Variants in PUM3 observed in about 807,000 individuals in gnomAD.
The protein encoded by PUM3 is pumilio homolog 3.
PUM3 carries 91 observed loss-of-function variants against 84.0 expected under a neutral mutation model. That is an observed-to-expected ratio of 1.08 (90% CI 0.91 to 1.29). The LOEUF is 1.29. Ranked by LOEUF, PUM3 falls within the 50% of genes most tolerant of loss-of-function variation. The pLI, the probability that PUM3 is intolerant of heterozygous loss-of-function variation, is 0.00. For synonymous variants in PUM3, 321 were observed against 266.7 expected, an observed-to-expected ratio of 1.20 and a Z score of -1.98; for missense variants, 1,067 against 767.5, an observed-to-expected ratio of 1.39 and a Z score of -4.61.
chr9:2,809,092 G>A (rs181571188), intron 16 of PUM3, among the ~76,000 whole-genome samples: 93 of 152,192 alleles, frequency 6.1e-4, no homozygotes, highest in Middle Eastern at 3.4e-3. Flanking sequence ...ACCACAAACC[G>A]AGCAGCCCTA....
chr9:2,842,216 C>A (rs1292150838), intron 1 of PUM3, among the ~76,000 whole-genome samples: 1 of 152,050 alleles, frequency 6.6e-6, no homozygotes, highest in African/African-American at 2.4e-5. Context: ...CCCCCTTTTT[C>A]CTTTCCCTCT....
At chr9:2,826,761 C>T (rs949867667) in intron 10 of PUM3, among the ~76,000 whole-genome samples, 1 of 151,934 alleles carries the variant, frequency 6.6e-6, no homozygotes, top group African/African-American at 2.4e-5. Flanking sequence ...TAAAACTATC[C>T]GAATGCTTGA....
intron 9 of PUM3, 111 bp from the exon 10 acceptor site, chr9:2,827,262 C>T (rs1815848093): frequency 5.9e-6 from 4 of 678,910 alleles, no homozygotes; most frequent in Middle Eastern, 3.8e-4. Context: ...AATGGTTTTA[C>T]TGAATACAAT....
intron 5 of PUM3, among the ~76,000 whole-genome samples, chr9:2,832,204 G>C (rs535075195): frequency 6.6e-6 from 1 of 152,142 alleles, no homozygotes; most frequent in Admixed American, 6.5e-5. Context: ...GGCTGTTTTT[G>C]TGCATATATT....
chr9:2,822,911 A>G (rs1815704485), intron 12 of PUM3, among the ~76,000 whole-genome samples: 2 of 151,696 alleles, frequency 1.3e-5, no homozygotes, highest in South Asian at 4.1e-4. Context: ...AGAAGACAAT[A>G]GTCAAGTACA....
intron 12 of PUM3, among the ~76,000 whole-genome samples, chr9:2,822,741 T>C (rs1466870592): frequency 1.4e-5 from 2 of 144,638 alleles, no homozygotes; most frequent in South Asian, 2.1e-4. Flanking sequence ...AATAATATAA[T>C]GTTATATAAT....
In PUM3 at chr9:2,834,097, T is replaced by TG; in HGVS notation, c.373dup (p.Gln125ProfsTer4). The TG allele has an allele frequency of 6.2e-7, 1 of 1,613,846 alleles. No homozygotes were observed. Among genetic ancestry groups the TG allele is most frequent in the African/African-American group, 1.3e-5 (1 of 75,048 alleles). On this transcript the variant is annotated frameshift_variant, in exon 4 of 18. Coordinates refer to ENST00000397885, the MANE Select transcript of PUM3 (RefSeq NM_014878.5). LOFTEE classifies it high-confidence loss of function. The stretch of plus-strand genomic sequence containing the variant: ...GTCATAGTTGGTTTTATCACTGAGT[T>TG]GTCTGCTTTGCTTCAGTTCTTTCTT...
intron 16 of PUM3, among the ~76,000 whole-genome samples, chr9:2,809,650 AG>A (rs1821326059): frequency 6.6e-6 from 1 of 152,176 alleles, no homozygotes; most frequent in East Asian, 1.9e-4. Flanking sequence ...TTAACTCAGT[AG>A]GGGAAAAAAA....
At chr9:2,839,507 C>G (rs535478632) in intron 1 of PUM3, among the ~76,000 whole-genome samples, 1 of 152,274 alleles carries the variant, frequency 6.6e-6, no homozygotes, top group Admixed American at 6.5e-5. Context: ...CTTTAATTTG[C>G]TAATATATAC....
chr9:2,841,821 C>G (rs541015319), intron 1 of PUM3, among the ~76,000 whole-genome samples: 19 of 152,188 alleles, frequency 1.2e-4, no homozygotes, highest in African/African-American at 4.3e-4. Flanking sequence ...AGCCTGCATT[C>G]CATCCCCAGA....
chr9:2,838,361 T>G, intron 2 of PUM3, 65 bp downstream of exon 2: 1 of 1,065,602 alleles, frequency 9.4e-7, no homozygotes. Context: ...AGATTGAAAT[T>G]TACTACATGC....
At chr9:2,829,641 C>G (rs760046771) in intron 8 of PUM3, 133 bp downstream of exon 8, 208 of 717,082 alleles carry the variant, frequency 2.9e-4, no homozygotes, top group Middle Eastern at 4.1e-4. Context: ...GAGGGAAAAT[C>G]AAGGGCATAA....
At position 2,823,835 on chromosome 9, in the gene PUM3, C is replaced by T. The variant is rs1231400710; in HGVS notation, c.1135-1G>A. 5 of 1,516,268 alleles carry T rather than the reference C, an allele frequency of 3.3e-6. No individual in the cohort carries two copies. The highest frequency in any genetic ancestry group is 4.5e-6 in the Non-Finnish European group (5 of 1,112,880). The allele number at this position is 1,516,268 out of a possible 1,614,324, so 93.9% of individuals were successfully genotyped here. A position where few individuals can be genotyped will look rare whatever the true frequency, so the allele number is the denominator to read the frequency against. ...TTGTTTTCACAATCACTTTCCTGTC[C>T]TTAAAAAGGAAAGATTGTCTCACTG... is the stretch of plus-strand genomic sequence containing the variant. On this transcript the variant is annotated splice_acceptor_variant, in intron 11 of 17. Coordinates refer to ENST00000397885, the MANE Select transcript of PUM3 (RefSeq NM_014878.5). LOFTEE classifies it high-confidence loss of function.
At position 2,804,220 on chromosome 9, in the gene PUM3, T is replaced by G; in HGVS notation, c.*111A>C. ...TTCGTATACAAAGAAGAAACACATATACAGAGTACCCCAATTACCAGTATG... is the reference window on the plus strand; with the variant it reads ...TTCGTATACAAAGAAGAAACACATAGACAGAGTACCCCAATTACCAGTATG... On this transcript the variant is annotated 3_prime_UTR_variant, in exon 18 of 18. Transcript: ENST00000397885. The G allele has an allele frequency of 1.9e-6, 2 of 1,057,382 alleles. No individual in the cohort carries two copies. The highest frequency in any genetic ancestry group is 3.3e-5 in the South Asian group (2 of 60,082). 65.5% of individuals were successfully genotyped at this position (1,057,382 alleles called of 1,614,324 possible).
chr9:2,805,174 C>A (rs1245531490), intron 17 of PUM3, among the ~76,000 whole-genome samples: 1 of 152,160 alleles, frequency 6.6e-6, no homozygotes, highest in Non-Finnish European at 1.5e-5. Context: ...CTCAAATGGC[C>A]TTGTATCTAA....
At chr9:2,825,019 C>T (rs1815773571) in intron 10 of PUM3, among the ~76,000 whole-genome samples, 1 of 152,176 alleles carries the variant, frequency 6.6e-6, no homozygotes, top group Non-Finnish European at 1.5e-5. Context: ...GCAGTAAATA[C>T]TGCTGGCAGA....
In PUM3 at chr9:2,823,812, GT is replaced by G; in HGVS notation, c.1156del (p.Thr386GlnfsTer2). On this transcript the variant is annotated frameshift_variant, in exon 12 of 18. Transcript: ENST00000397885. LOFTEE classifies it high-confidence loss of function. ...TPKDRKVIVKTMKTYVEKVAN... is the reference protein window; with the variant it reads ...TPKDRKVIVKXMKTYVEKVAN... ...CACCTTTTCAACATAAGTCTTCATT[GT>G]TTTCACAATCACTTTCCTGTCCTTA... 6.6e-7 allele frequency: 1 copy of G among 1,526,534 alleles called. No homozygotes were observed. 94.6% of individuals were successfully genotyped at this position (1,526,534 alleles called of 1,614,324 possible). A position where few individuals can be genotyped will look rare whatever the true frequency, so the allele number is the denominator to read the frequency against.
chr9:2,825,925 C>G (rs1209107224), intron 10 of PUM3, among the ~76,000 whole-genome samples: 1 of 152,122 alleles, frequency 6.6e-6, no homozygotes, highest in Non-Finnish European at 1.5e-5. Flanking sequence ...GGGTAGGTGC[C>G]TAATTTCATC....
chr9:2,838,638 G>T, intron 1 of PUM3, 121 bp from the exon 2 acceptor site: 1 of 616,146 alleles, frequency 1.6e-6, no homozygotes, highest in Non-Finnish European at 2.9e-6. Flanking sequence ...AAATCAGCCA[G>T]ATATAGAATG....
Sources: allele counts gnomAD v4.1 joint callset (sites outside exome capture counted in the v4.1 genomes callset), GRCh38; gene constraint gnomAD v4.1.1; transcripts MANE v1.5; gene names NCBI Gene and HGNC (gene_info 2026-07-23, HGNC 2026-07-21).